The following SLC24A2 variants were observed in gnomAD, a reference collection of about 807,000 sequenced individuals.
SLC24A2 encodes the protein solute carrier family 24 member 2, also known as sodium/potassium/calcium exchanger 2.
Under a neutral mutation model 62.0 loss-of-function variants are expected in SLC24A2, and 36 were observed. That is an observed-to-expected ratio of 0.58 (90% CI 0.44 to 0.77). The LOEUF (loss-of-function observed/expected upper bound fraction) is 0.77. Among genes scored for constraint, SLC24A2 ranks in the 30% least tolerant of loss-of-function variants. The probability of loss-of-function intolerance (pLI) is 0.00; values close to 1 mark genes in which losing one functional copy is unlikely to be tolerated. For missense variants in SLC24A2, 846 were observed against 817.9 expected, an observed-to-expected ratio of 1.03 and a Z score of -0.42; for synonymous variants, 358 against 294.0, an observed-to-expected ratio of 1.22 and a Z score of -2.23.
chr9:19,563,785 T>TCC lies in SLC24A2; in HGVS notation c.1347+9565_1347+9566insGG, dbSNP rs1563968696. 6.7e-3 allele frequency among the ~76,000 whole-genome samples: 244 copies of TCC among 36,300 alleles called. 37 individuals are homozygous for TCC. Among genetic ancestry groups the TCC allele is most frequent in the East Asian group, 0.023 (12 of 520 alleles). The allele number at this position is 36,300 out of a possible 152,430, so 23.8% of individuals were successfully genotyped here. A position where few individuals can be genotyped will look rare whatever the true frequency, so the allele number is the denominator to read the frequency against. ...TTTCATCTGTAACAAAACTGTTGGTTTTTATAATGACCCTTCCTTCCTTCC... is the reference window on the plus strand; with the variant it reads ...TTTCATCTGTAACAAAACTGTTGGTTCCTTTATAATGACCCTTCCTTCCTTCC... On this transcript the variant is annotated intron_variant, in intron 7 of 10. Transcript: ENST00000341998.
the SLC24A2 span, among the ~76,000 whole-genome samples, chr9:19,962,643 C>G: frequency 8.5e-5 from 13 of 152,268 alleles, no homozygotes; most frequent in South Asian, 2.1e-3. Context: ...TGGGAGTTCA[C>G]TCATGATTTG....
the SLC24A2 span, among the ~76,000 whole-genome samples, chr9:20,242,750 T>C: frequency 1.3e-5 from 2 of 152,218 alleles, no homozygotes; most frequent in East Asian, 1.9e-4. Context: ...TTAGCTAAAG[T>C]GGAAGGAAAC....
At chr9:19,573,698 C>T (rs1835921680) in intron 6 of SLC24A2, among the ~76,000 whole-genome samples, 1 of 152,100 alleles carries the variant, frequency 6.6e-6, no homozygotes, top group South Asian at 2.1e-4. Flanking sequence ...TTTTACCGTT[C>T]TTCCCCATGT....
chr9:20,292,573 C>T, the SLC24A2 span, among the ~76,000 whole-genome samples: 1 of 152,118 alleles, frequency 6.6e-6, no homozygotes, highest in Non-Finnish European at 1.5e-5. Flanking sequence ...GTGGCTTCAG[C>T]AACAGAAATT....
the SLC24A2 span, among the ~76,000 whole-genome samples, chr9:20,235,713 C>A: frequency 6.6e-6 from 1 of 152,178 alleles, no homozygotes; most frequent in East Asian, 1.9e-4. Context: ...CTTCGGCTCG[C>A]ACACGGTGTA....
chr9:20,088,750 C>T, the SLC24A2 span, among the ~76,000 whole-genome samples: 1 of 151,750 alleles, frequency 6.6e-6, no homozygotes, highest in Admixed American at 6.6e-5. Context: ...CCCATTCCTC[C>T]TCGTTGGGCA....
chr9:19,678,506 C>G (rs372172644), intron 2 of SLC24A2, among the ~76,000 whole-genome samples: 1 of 152,244 alleles, frequency 6.6e-6, no homozygotes, highest in South Asian at 2.1e-4. Context: ...TAGTGTAACC[C>G]TTTATTTTTC....
the SLC24A2 span, among the ~76,000 whole-genome samples, chr9:20,107,760 A>G: frequency 6.6e-6 from 1 of 152,132 alleles, no homozygotes; most frequent in Non-Finnish European, 1.5e-5. Context: ...AAACCTAGGC[A>G]TTACCATTCA....
chr9:20,203,535 C>G, the SLC24A2 span, among the ~76,000 whole-genome samples: 1 of 152,124 alleles, frequency 6.6e-6, no homozygotes, highest in Non-Finnish European at 1.5e-5. Flanking sequence ...ACTAACAGTC[C>G]ATGCTACTAA....
intron 7 of SLC24A2, among the ~76,000 whole-genome samples, chr9:19,560,950 G>GACAGAC: frequency 6.8e-6 from 1 of 146,472 alleles, no homozygotes. Flanking sequence ...GAGAGAGACA[G>GACAGAC]AGTCTTACTC....
the SLC24A2 span, among the ~76,000 whole-genome samples, chr9:20,144,015 G>T: frequency 6.6e-6 from 1 of 152,190 alleles, no homozygotes; most frequent in Non-Finnish European, 1.5e-5. Context: ...CAAGACAGGG[G>T]TAAGGTTTCC....
chr9:19,707,589 A>G (rs200477439), intron 2 of SLC24A2, among the ~76,000 whole-genome samples: 3 of 151,704 alleles, frequency 2.0e-5, no homozygotes, highest in Non-Finnish European at 4.4e-5. Flanking sequence ...GGGATGCAAG[A>G]CTGGTTCAAC....
At chr9:19,547,262 C>T (rs1198301135) in intron 8 of SLC24A2, among the ~76,000 whole-genome samples, 1 of 152,100 alleles carries the variant, frequency 6.6e-6, no homozygotes, top group Non-Finnish European at 1.5e-5. Context: ...CAGTCCATTC[C>T]AGGGCTAGCA....
intron 8 of SLC24A2, among the ~76,000 whole-genome samples, chr9:19,531,220 C>A (rs1410853426): frequency 6.6e-6 from 1 of 152,114 alleles, no homozygotes; most frequent in African/African-American, 2.4e-5. Flanking sequence ...ATTTTCACAC[C>A]CCAGGTAATC....
At chr9:20,149,730 C>T in the SLC24A2 span, among the ~76,000 whole-genome samples, 2 of 152,010 alleles carry the variant, frequency 1.3e-5, no homozygotes, top group African/African-American at 4.8e-5. Flanking sequence ...AAAAAACACT[C>T]TTAGCTAGCA....
At chr9:19,730,755 A>C (rs1441292185) in intron 2 of SLC24A2, among the ~76,000 whole-genome samples, 1 of 152,202 alleles carries the variant, frequency 6.6e-6, no homozygotes, top group Admixed American at 6.5e-5. Flanking sequence ...AAATTTAAAC[A>C]TGCTTAAAAT....
chr9:20,068,448 T>C, the SLC24A2 span, among the ~76,000 whole-genome samples: 7 of 152,260 alleles, frequency 4.6e-5, no homozygotes, highest in African/African-American at 1.4e-4. Flanking sequence ...TAAATCTGCC[T>C]TGTTGGGTTC....
intron 10 of SLC24A2, among the ~76,000 whole-genome samples, chr9:19,519,028 C>G (rs1461397179): frequency 6.6e-6 from 1 of 151,940 alleles, no homozygotes; most frequent in Non-Finnish European, 1.5e-5. Flanking sequence ...GATCAAAACT[C>G]CCATAGCAGA....
the SLC24A2 span, among the ~76,000 whole-genome samples, chr9:20,260,849 CTT>C: frequency 2.3e-4 from 21 of 90,274 alleles, no homozygotes; most frequent in Admixed American, 4.6e-4. Flanking sequence ...ATCATTCTTT[CTT>C]TTTTTTTTTT....
Sources: gnomAD v4.1 joint callset for allele counts (sites outside exome capture counted in the v4.1 genomes callset) on GRCh38, gnomAD v4.1.1 for gene constraint, MANE v1.5 for transcripts, NCBI Gene and HGNC (gene_info 2026-07-23, HGNC 2026-07-21) for gene names.